RNF38: variants seen among roughly 807,000 people sequenced by gnomAD.
RNF38 encodes the protein E3 ubiquitin-protein ligase RNF38.
Under a neutral mutation model 67.2 loss-of-function variants are expected in RNF38, and 15 were observed. The ratio of observed to expected loss-of-function variants is 0.22; its 90% CI spans 0.15 to 0.34. The LOEUF is 0.34. RNF38 is among the 10% of genes least tolerant of loss of function. The pLI is 1.00. For missense variants in RNF38, 524 were observed against 639.9 expected (o/e 0.82, Z 1.95); for synonymous variants, 220 against 218.8 (o/e 1.01, Z -0.05).
chr9:36,396,147 G>A (rs1291258358), intron 1 of RNF38, among the ~76,000 whole-genome samples: 4 of 152,168 alleles, frequency 2.6e-5, no homozygotes, highest in African/African-American at 9.7e-5. Context: ...CACATAGCAG[G>A]CATTCAACTA....
At chr9:36,483,506 T>A (rs886206278) in intron 1 of RNF38, among the ~76,000 whole-genome samples, 1 of 152,152 alleles carries the variant, frequency 6.6e-6, no homozygotes, top group Non-Finnish European at 1.5e-5. Flanking sequence ...AGCCTCAGAT[T>A]TGTTAACATA....
chr9:36,372,398 G>T, intron 3 of RNF38: 1 of 574,988 alleles, frequency 1.7e-6, no homozygotes, highest in Non-Finnish European at 3.2e-6. Flanking sequence ...TGAGTTTAAT[G>T]GCCCTGTTTA....
At chr9:36,484,464 A>T (rs574395748) in intron 1 of RNF38, among the ~76,000 whole-genome samples, 3 of 152,344 alleles carry the variant, frequency 2.0e-5, no homozygotes, top group African/African-American at 7.2e-5. Context: ...AATATTTCAA[A>T]CATCTGAAAA....
At chr9:36,341,681 G>A (rs1029666050) in intron 11 of RNF38, among the ~76,000 whole-genome samples, 1 of 151,844 alleles carries the variant, frequency 6.6e-6, no homozygotes, top group Non-Finnish European at 1.5e-5. Context: ...AGACCAGTCT[G>A]GGCAACATAG....
intron 1 of RNF38, among the ~76,000 whole-genome samples, chr9:36,453,989 A>G (rs550123762): frequency 1.3e-5 from 2 of 152,260 alleles, no homozygotes; most frequent in African/African-American, 4.8e-5. Context: ...TAAAATTGCC[A>G]CTCTAATAAT....
At chr9:36,442,045 C>A (rs902973726) in intron 1 of RNF38, among the ~76,000 whole-genome samples, 2 of 152,094 alleles carry the variant, frequency 1.3e-5, no homozygotes, top group African/African-American at 4.8e-5. Flanking sequence ...ACATAGGAAC[C>A]ATCAATAGCT....
In RNF38 at chr9:36,445,459, A is replaced by G. The variant is rs575136668; in HGVS notation, n.242-20776T>C. 3.3e-5 allele frequency among the ~76,000 whole-genome samples: 5 copies of G among 152,344 alleles called. No homozygotes were observed. The South Asian group carries it at 1.0e-3, about 32-fold the overall frequency. On this transcript the variant is annotated intron_variant and non_coding_transcript_variant, in intron 1 of 3. Transcript: ENST00000488058. ...TTTTCATATTAATAATTTTACAACT[A>G]AATTCCTTCATCAGACCTTCTACAC...
chr9:36,406,035 C>T (rs2134179870), upstream of RNF38, among the ~76,000 whole-genome samples: 1 of 152,284 alleles, frequency 6.6e-6, no homozygotes, highest in Non-Finnish European at 1.5e-5. Context: ...CTCCTTATCC[C>T]TCTACACACT....
chr9:36,402,204 G>C (rs1302982335), upstream of RNF38, among the ~76,000 whole-genome samples: 1 of 152,172 alleles, frequency 6.6e-6, no homozygotes. Context: ...CAAACAAAGA[G>C]AAGCTGGAAA....
intron 1 of RNF38, among the ~76,000 whole-genome samples, chr9:36,473,638 C>G (rs1367484848): frequency 1.3e-5 from 2 of 151,966 alleles, no homozygotes; most frequent in Admixed American, 6.6e-5. Flanking sequence ...TCTGATGTAC[C>G]ACTCTGATGC....
At chr9:36,406,450 C>G (rs1381046081) in intron 2 of RNF38, among the ~76,000 whole-genome samples, 2 of 152,238 alleles carry the variant, frequency 1.3e-5, no homozygotes, top group Non-Finnish European at 2.9e-5. Flanking sequence ...CTCACTCCAA[C>G]AACCTCAATC....
intron 1 of RNF38, among the ~76,000 whole-genome samples, chr9:36,441,980 T>C (rs865977768): frequency 2.0e-5 from 3 of 152,328 alleles, no homozygotes; most frequent in Middle Eastern, 6.8e-3. Flanking sequence ...AGCCTACTCT[T>C]AGACACTAAT....
chr9:36,384,920 T>C (rs1371397284), intron 2 of RNF38, among the ~76,000 whole-genome samples: 1 of 152,208 alleles, frequency 6.6e-6, no homozygotes, highest in African/African-American at 2.4e-5. Flanking sequence ...CAAGAAGTTC[T>C]GCAAGGGAGG....
intron 1 of RNF38, among the ~76,000 whole-genome samples, chr9:36,480,288 T>G (rs1840220459): frequency 6.6e-6 from 1 of 152,100 alleles, no homozygotes; most frequent in East Asian, 1.9e-4. Flanking sequence ...CCTGTAAATG[T>G]GATTATTAAA....
At chr9:36,354,618 G>C (rs1833959261) in intron 6 of RNF38, among the ~76,000 whole-genome samples, 1 of 152,062 alleles carries the variant, frequency 6.6e-6, no homozygotes, top group Non-Finnish European at 1.5e-5. Flanking sequence ...TCCTTTTTAT[G>C]AGTGAGTATT....
At chr9:36,395,060 T>C (rs936529098) in intron 1 of RNF38, among the ~76,000 whole-genome samples, 2 of 152,230 alleles carry the variant, frequency 1.3e-5, no homozygotes, top group Non-Finnish European at 2.9e-5. Flanking sequence ...ACTAATTCAT[T>C]AAGCATAACT....
At position 36,432,611 on chromosome 9, in the gene RNF38, G is replaced by A. The variant is rs550831184; in HGVS notation, n.242-7928C>T. ...AGATTGAGACCATCCTGGCCAACAT[G>A]GTGAAACCCCGTCTCTACTAAAAAT... On this transcript the variant is annotated intron_variant and non_coding_transcript_variant, in intron 1 of 3. Coordinates refer to the RNF38 transcript ENST00000488058. Among the ~76,000 whole-genome samples the A allele has an allele frequency of 3.9e-5, 6 of 152,006 alleles. No individual in the cohort carries two copies. In the South Asian group the frequency reaches 8.3e-4, roughly 21 times the overall value.
intron 3 of RNF38, among the ~76,000 whole-genome samples, chr9:36,373,521 C>T (rs894569184): frequency 1.3e-5 from 2 of 151,488 alleles, no homozygotes; most frequent in Non-Finnish European, 2.9e-5. Context: ...AACGGTAGCA[C>T]CTGAGGCCTT....
rs186491456 is a variant in RNF38 at position 36,355,149 on chromosome 9, A to G, written c.909+1154T>C. The stretch of plus-strand genomic sequence containing the variant: ...CCAAACTTGCGTCATAATTGCTTCT[A>G]CAGTTTTCAGGACAGCAGCCTCTTT... On this transcript the variant is annotated intron_variant, in intron 6 of 11. Coordinates refer to ENST00000259605, the MANE Select transcript of RNF38 (RefSeq NM_022781.5). Among the ~76,000 whole-genome samples, 3 of 152,340 alleles carry G rather than the reference A, an allele frequency of 2.0e-5. No homozygotes were observed. In the East Asian group the frequency reaches 5.8e-4, roughly 29 times the overall value.
Sources: allele counts gnomAD v4.1 joint callset (sites outside exome capture counted in the v4.1 genomes callset), GRCh38; gene constraint gnomAD v4.1.1; transcripts MANE v1.5; gene names NCBI Gene and HGNC (gene_info 2026-07-23, HGNC 2026-07-21).